BBS12: variants seen among roughly 807,000 people sequenced by gnomAD.
BBS12 encodes the protein Bardet-Biedl syndrome 12.
BBS12 carries 5 observed loss-of-function variants against 5.6 expected under a neutral mutation model. That is an observed-to-expected ratio of 0.89 (90% CI 0.46 to 1.86). The LOEUF is 1.86. BBS12 is among the 40% of genes most tolerant of loss of function. The pLI is 0.01. For synonymous variants in BBS12, 308 were observed against 306.8 expected (o/e 1.00, Z -0.04); for missense variants, 748 against 830.4 (o/e 0.90, Z 1.22).
rs1800732065 is a variant in BBS12 at position 122,733,376 on chromosome 4, A to ACACACAC, written c.-11+492_-11+493insCACACAC. Among the ~76,000 whole-genome samples, 3 of 88,118 alleles carry ACACACAC rather than the reference A, an allele frequency of 3.4e-5. 1 individual carries two copies. Among genetic ancestry groups the ACACACAC allele is most frequent in the African/African-American group, 1.0e-4 (2 of 19,724 alleles). 57.8% of individuals were successfully genotyped at this position (88,118 alleles called of 152,430 possible). A position where few individuals can be genotyped will look rare whatever the true frequency, so the allele number is the denominator to read the frequency against. On this transcript the variant is annotated intron_variant, in intron 1 of 1. Coordinates refer to ENST00000314218, the MANE Select transcript of BBS12 (RefSeq NM_152618.3). ...CTATCGGACCCCGCCCTCCAACCCC[A>ACACACAC]ACACACACACACACACACACACACA...
chr4:122,737,341 G>A (rs1162913973), intron 1 of BBS12, among the ~76,000 whole-genome samples: 2 of 152,202 alleles, frequency 1.3e-5, no homozygotes, highest in African/African-American at 4.8e-5. Flanking sequence ...GAATTATATA[G>A]TAGTTAATAG....
At chr4:122,731,736 T>C (rs978432175), upstream of BBS12, 1 of 152,242 alleles carries the variant, frequency 6.6e-6, no homozygotes, top group Non-Finnish European at 1.5e-5. Flanking sequence ...TTCTAAGCTT[T>C]TTAACTCCCT....
At position 122,743,737 on chromosome 4, in the gene BBS12, C is replaced by G. The variant is rs773424236; in HGVS notation, c.1845C>G (p.Ala615=). The change falls in exon 2 of 2, where the codon GCC becomes GCG. Residue 615 remains alanine (A), a synonymous_variant. Coordinates refer to ENST00000314218, the MANE Select transcript of BBS12 (RefSeq NM_152618.3). ...NTANYSSEFE[A]STYIQHHLQN... is the part of the protein sequence containing the mutation. ...CCAATTACTCATCAGAATTTGAAGC[C>G]AGCACATACATTCAACATCATCTGC... 6.2e-6 allele frequency: 10 copies of G among 1,614,164 alleles called. No homozygotes were observed. The South Asian group carries it at 1.1e-4, about 18-fold the overall frequency.
In BBS12 at chr4:122,743,893, A is replaced by G. The variant is rs539331301; in HGVS notation, c.2001A>G (p.Thr667=). The G allele has an allele frequency of 6.2e-6, 10 of 1,604,830 alleles. No individual in the cohort carries two copies. Among genetic ancestry groups the G allele is most frequent in the Admixed American group, 3.4e-5 (2 of 58,504 alleles). Reference sequence around the variant, plus strand: ...TTCCGAGAGTTTATGACGTTGTTACACCAAAGATTGAGGCGTGGCGCCGAG... The same window carrying G: ...TTCCGAGAGTTTATGACGTTGTTACGCCAAAGATTGAGGCGTGGCGCCGAG... The part of the protein sequence containing the change: ...EQIPRVYDVV[T]PKIEAWRRAL... Residue 667 remains threonine, a synonymous_variant, in exon 2 of 2, where the codon ACA becomes ACG. Coordinates refer to ENST00000314218, the MANE Select transcript of BBS12 (RefSeq NM_152618.3).
At chr4:122,737,264 C>T (rs1436819630) in intron 1 of BBS12, among the ~76,000 whole-genome samples, 1 of 152,094 alleles carries the variant, frequency 6.6e-6, no homozygotes, top group Non-Finnish European at 1.5e-5. Context: ...AAGGGAAACA[C>T]AGTAAAAGAT....
the BBS12 span, among the ~76,000 whole-genome samples, chr4:122,723,436 G>A: frequency 0.02 from 2,999 of 152,200 alleles, 47 homozygotes; most frequent in African/African-American, 0.031. Flanking sequence ...TTTAGCTTTC[G>A]CTCCATTTCC....
In BBS12 at chr4:122,743,295, G is replaced by T; in HGVS notation, c.1403G>T (p.Gly468Val). ...GTGAATGAAGATTGTGTGGGCGACG[G>T]GGTCTGCGTGACCTTCTGGAGAAGC... is the stretch of plus-strand genomic sequence containing the variant. ...TQVNEDCVGDGVCVTFWRSSP... is the reference protein window; with the variant it reads ...TQVNEDCVGDVVCVTFWRSSP... Residue 468 changes from glycine to valine, a missense_variant, in exon 2 of 2, where the codon GGG becomes GTG. Coordinates refer to ENST00000314218, the MANE Select transcript of BBS12 (RefSeq NM_152618.3). The T allele has an allele frequency of 6.2e-7, 1 of 1,614,216 alleles. No individual in the cohort carries two copies. Among genetic ancestry groups the T allele is most frequent in the Non-Finnish European group, 8.5e-7 (1 of 1,180,040 alleles).
Position 122,743,847 on chromosome 4 carries a change from T to C in BBS12, c.1955T>C (p.Ile652Thr). The change falls in exon 2 of 2, where the codon ATT becomes ACT. Residue 652 changes from isoleucine to threonine, a missense_variant. By Grantham distance (89) the Ile-to-Thr change is moderately conservative. Transcript: ENST00000314218. ...KLNSRIFNSD[I>T]SNKLEQIPRV... ...AATAGTAGAATTTTTAATTCAGACA[T>C]TTCAAATAAACTGGAGCAGATTCCG... 1 of 1,605,950 alleles carries C rather than the reference T, an allele frequency of 6.2e-7. No individual in the cohort carries two copies. The highest frequency in any genetic ancestry group is 1.1e-5 in the South Asian group (1 of 89,370).
At chr4:122,704,062 C>G in the BBS12 span, among the ~76,000 whole-genome samples, 1 of 152,118 alleles carries the variant, frequency 6.6e-6, no homozygotes, top group African/African-American at 2.4e-5. Context: ...GTTGCCCAGG[C>G]TGGTCATTAA....
chr4:122,723,104 A>C, the BBS12 span, among the ~76,000 whole-genome samples: 2 of 152,144 alleles, frequency 1.3e-5, no homozygotes, highest in Non-Finnish European at 2.9e-5. Context: ...TTTAATTCTG[A>C]AAATATGATA....
At chr4:122,706,212 C>G in the BBS12 span, among the ~76,000 whole-genome samples, 1 of 152,154 alleles carries the variant, frequency 6.6e-6, no homozygotes, top group Non-Finnish European at 1.5e-5. Flanking sequence ...CTTTCTCTCT[C>G]TCTTCCACCC....
chr4:122,713,460 G>A, the BBS12 span, among the ~76,000 whole-genome samples: 2 of 152,202 alleles, frequency 1.3e-5, no homozygotes, highest in South Asian at 4.1e-4. Context: ...CCTGTGAAGA[G>A]CCATTGCACT....
intron 1 of BBS12, among the ~76,000 whole-genome samples, chr4:122,736,378 T>C (rs981070077): frequency 1.3e-5 from 2 of 152,146 alleles, no homozygotes; most frequent in South Asian, 4.1e-4. Flanking sequence ...AAACAGTTGA[T>C]TTAGATAATA....
chr4:122,717,359 T>C, the BBS12 span, among the ~76,000 whole-genome samples: 1 of 152,210 alleles, frequency 6.6e-6, no homozygotes, highest in African/African-American at 2.4e-5. Flanking sequence ...CGCAACTCTT[T>C]ACTACTGAAT....
At position 122,744,219 on chromosome 4, in the gene BBS12, C is replaced by T. The variant is rs1381127442; in HGVS notation, c.*194C>T. 9.8e-6 allele frequency: 6 copies of T among 612,020 alleles called. No homozygotes were observed. Among genetic ancestry groups the T allele is most frequent in the Admixed American group, 3.0e-5 (1 of 32,974 alleles). The allele number at this position is 612,020 out of a possible 1,614,324, so 37.9% of individuals were successfully genotyped here. A position where few individuals can be genotyped will look rare whatever the true frequency, so the allele number is the denominator to read the frequency against. ...CTAACAAGTTAGCCTGTTACTGTTT[C>T]GTGGGATGCTACAGAATGCATAAGA... On this transcript the variant is annotated 3_prime_UTR_variant, in exon 2 of 2. Coordinates refer to ENST00000314218, the MANE Select transcript of BBS12 (RefSeq NM_152618.3).
the BBS12 span, among the ~76,000 whole-genome samples, chr4:122,706,492 T>A: frequency 6.6e-6 from 1 of 152,122 alleles, no homozygotes; most frequent in Non-Finnish European, 1.5e-5. Context: ...AAGACTCTTC[T>A]TGGGAGGCTG....
chr4:122,701,697 G>A, the BBS12 span, among the ~76,000 whole-genome samples: 1 of 152,206 alleles, frequency 6.6e-6, no homozygotes, highest in Non-Finnish European at 1.5e-5. Context: ...TGAAGAGAAT[G>A]AGACTCAATA....
Position 122,744,823 on chromosome 4 carries a change from G to C in BBS12, c.*798G>C, listed in dbSNP as rs1462971316. On this transcript the variant is annotated 3_prime_UTR_variant, in exon 2 of 2. Coordinates refer to ENST00000314218, the MANE Select transcript of BBS12 (RefSeq NM_152618.3). The stretch of plus-strand genomic sequence containing the variant: ...CCTCAGTCCTGTCCCCCAAGGTCTT[G>C]ACTCAATCAACTCTAAGTTCCAAGG... The C allele has an allele frequency of 1.2e-5, 2 of 167,084 alleles. No individual in the cohort carries two copies. Among genetic ancestry groups the C allele is most frequent in the Non-Finnish European group, 2.9e-5 (2 of 68,130 alleles). 10.4% of individuals were successfully genotyped at this position (167,084 alleles called of 1,614,324 possible).
the BBS12 span, among the ~76,000 whole-genome samples, chr4:122,709,799 C>T: frequency 1.3e-5 from 2 of 152,032 alleles, no homozygotes; most frequent in South Asian, 4.2e-4. Flanking sequence ...GGATTACAGG[C>T]GTATGCCACC....
Sources: allele counts gnomAD v4.1 joint callset (sites outside exome capture counted in the v4.1 genomes callset), GRCh38; gene constraint gnomAD v4.1.1; transcripts MANE v1.5; gene names NCBI Gene and HGNC (gene_info 2026-07-23, HGNC 2026-07-21).